The following NCALD variants were observed in gnomAD, a reference collection of about 807,000 sequenced individuals.
NCALD encodes neurocalcin-delta.
NCALD carries 10 observed loss-of-function variants against 18.6 expected under a neutral mutation model. That is an observed-to-expected ratio of 0.54 (90% CI 0.33 to 0.91). The LOEUF (loss-of-function observed/expected upper bound fraction) is 0.91. Ranked by LOEUF, NCALD falls within the 40% of genes least tolerant of loss-of-function variation. NCALD has a pLI of 0.03. For synonymous variants in NCALD, 88 were observed against 87.4 expected, an observed-to-expected ratio of 1.01 and a Z score of -0.04; for missense variants, 184 against 247.6, an observed-to-expected ratio of 0.74 and a Z score of 1.72.
At chr8:101,715,010 A>C (rs1172041960) in intron 2 of NCALD, among the ~76,000 whole-genome samples, 1 of 145,358 alleles carries the variant, frequency 6.9e-6, no homozygotes, top group African/African-American at 2.8e-5. Flanking sequence ...TCTCAAAAAA[A>C]AAAAAAGAAC....
At chr8:101,837,020 AGTT>A (rs762279387) in intron 4 of NCALD, among the ~76,000 whole-genome samples, 32 of 152,222 alleles carry the variant, frequency 2.1e-4, no homozygotes, top group Non-Finnish European at 3.4e-4. Flanking sequence ...AACCTCTGAC[AGTT>A]GTTCTTAAGC....
intron 3 of NCALD, among the ~76,000 whole-genome samples, chr8:101,899,485 A>G (rs757721649): frequency 6.6e-6 from 1 of 151,938 alleles, no homozygotes. Flanking sequence ...AAAGAATTCA[A>G]TCTTTTACTA....
At chr8:101,909,839 G>A (rs1430073656) in intron 3 of NCALD, among the ~76,000 whole-genome samples, 1 of 152,116 alleles carries the variant, frequency 6.6e-6, no homozygotes, top group Non-Finnish European at 1.5e-5. Flanking sequence ...TAAGAACAGA[G>A]ATTGACATTT....
At chr8:101,918,857 T>C (rs915898129) in intron 2 of NCALD, among the ~76,000 whole-genome samples, 4 of 151,108 alleles carry the variant, frequency 2.6e-5, no homozygotes, top group Non-Finnish European at 5.9e-5. Flanking sequence ...ATATCAGAGG[T>C]GACACAAACA....
chr8:101,775,654 G>C (rs748079478), intron 1 of NCALD, among the ~76,000 whole-genome samples: 3 of 152,106 alleles, frequency 2.0e-5, no homozygotes, highest in Non-Finnish European at 4.4e-5. Context: ...GTTTGGGCTG[G>C]TGCTCCTCTC....
At chr8:101,828,672 G>C (rs538107610) in intron 4 of NCALD, among the ~76,000 whole-genome samples, 1 of 151,620 alleles carries the variant, frequency 6.6e-6, no homozygotes, top group African/African-American at 2.4e-5. Flanking sequence ...CACAATCATA[G>C]CTCACTGCAG....
chr8:102,010,927 T>C (rs1334863624), intron 2 of NCALD, among the ~76,000 whole-genome samples: 1 of 152,208 alleles, frequency 6.6e-6, no homozygotes. Flanking sequence ...AGAAAGTTGA[T>C]AATTTCAACC....
chr8:102,080,707 C>T (rs1824499298), intron 1 of NCALD, among the ~76,000 whole-genome samples: 1 of 152,178 alleles, frequency 6.6e-6, no homozygotes. Flanking sequence ...GCATGGTGGG[C>T]ATGAGGGCTT....
chr8:101,798,438 T>A (rs1437353365), intron 4 of NCALD, among the ~76,000 whole-genome samples: 1 of 152,164 alleles, frequency 6.6e-6, no homozygotes. Flanking sequence ...GAAATAAGTA[T>A]AAATCTAACA....
At chr8:101,734,800 C>T (rs1817001704) in intron 1 of NCALD, among the ~76,000 whole-genome samples, 1 of 152,162 alleles carries the variant, frequency 6.6e-6, no homozygotes, top group African/African-American at 2.4e-5. Flanking sequence ...CAACAACAAC[C>T]CACAGTGTTT....
At chr8:101,941,687 G>A (rs1362063360) in intron 2 of NCALD, among the ~76,000 whole-genome samples, 1 of 152,140 alleles carries the variant, frequency 6.6e-6, no homozygotes, top group Non-Finnish European at 1.5e-5. Context: ...GTCATATGTA[G>A]GCACCTGCAA....
chr8:102,116,402 T>C (rs1320021488), intron 1 of NCALD, among the ~76,000 whole-genome samples: 8 of 152,146 alleles, frequency 5.3e-5, no homozygotes. Flanking sequence ...ACTACTGAGC[T>C]CTGTCATGGA....
Position 101,906,460 on chromosome 8 carries a change from T to C in NCALD, c.-107+9349A>G, listed in dbSNP as rs1031033806. ...TTGCAATGATGACTCAACTTTGCCATTGAGGCACAGAAACGGCCATGGTTG... is the reference window on the plus strand; with the variant it reads ...TTGCAATGATGACTCAACTTTGCCACTGAGGCACAGAAACGGCCATGGTTG... On this transcript the variant is annotated intron_variant, in intron 3 of 6. Transcript: ENST00000311028. Among the ~76,000 whole-genome samples the C allele has an allele frequency of 4.6e-5, 7 of 152,166 alleles. 1 individual carries two copies. Among genetic ancestry groups the C allele is most frequent in the Admixed American group, 3.9e-4 (6 of 15,264 alleles).
intron 2 of NCALD, among the ~76,000 whole-genome samples, chr8:101,992,007 C>T (rs1821066364): frequency 6.6e-6 from 1 of 152,204 alleles, no homozygotes; most frequent in Non-Finnish European, 1.5e-5. Context: ...GGTTGAGCAG[C>T]AGCTAAAGTA....
chr8:101,965,738 A>G lies in NCALD; in HGVS notation c.-156-49880T>C, dbSNP rs200959637. On this transcript the variant is annotated intron_variant, in intron 2 of 6. Coordinates refer to the NCALD transcript ENST00000311028. ...TGTAACAAACCTGCATGTTCTGCAC[A>G]TGTATCCCAGAACTTAGAGTATAAT... Among the ~76,000 whole-genome samples the G allele has an allele frequency of 2.0e-5, 3 of 152,328 alleles. No individual in the cohort carries two copies. The East Asian group carries it at 5.8e-4, about 29-fold the overall frequency.
At position 101,748,434 on chromosome 8, in the gene NCALD, C is replaced by A. The variant is rs1810516411; in HGVS notation, c.-19-28786G>T. 2.0e-5 allele frequency among the ~76,000 whole-genome samples: 3 copies of A among 152,176 alleles called. No homozygotes were observed. In the South Asian group the frequency reaches 6.2e-4, roughly 32 times the overall value. ...TGATTGTCAGCTCGTTCATCAATCT[C>A]ACCAGTATAACTCTGAGTTGACATA... is the stretch of plus-strand genomic sequence containing the variant. On this transcript the variant is annotated intron_variant, in intron 1 of 3. Transcript: ENST00000220931.
chr8:101,692,669 C>A, intron 3 of NCALD, 122 bp downstream of exon 3: 1 of 1,387,796 alleles, frequency 7.2e-7, no homozygotes, highest in African/African-American at 1.4e-5. Flanking sequence ...CCTACCCACC[C>A]AGGAGGCTTG....
At chr8:101,764,134 G>A (rs1275078719) in intron 1 of NCALD, among the ~76,000 whole-genome samples, 1 of 152,076 alleles carries the variant, frequency 6.6e-6, no homozygotes, top group Non-Finnish European at 1.5e-5. Context: ...GGACTGAGTT[G>A]AAAACTGGTA....
intron 1 of NCALD, among the ~76,000 whole-genome samples, chr8:101,775,439 C>G (rs537575872): frequency 1.1e-4 from 17 of 152,316 alleles, no homozygotes; most frequent in Non-Finnish European, 2.1e-4. Flanking sequence ...AGAATCACCA[C>G]AGGTTTTATA....
Sources: allele counts gnomAD v4.1 joint callset (sites outside exome capture counted in the v4.1 genomes callset), GRCh38; gene constraint gnomAD v4.1.1; transcripts MANE v1.5; gene names NCBI Gene and HGNC (gene_info 2026-07-23, HGNC 2026-07-21).